NPHP4: variants seen among roughly 807,000 people sequenced by gnomAD.
NPHP4 encodes nephrocystin 4.
A neutral mutation model predicts 155.8 loss-of-function variants in NPHP4; 151 were observed. That is an observed-to-expected ratio of 0.97 (90% CI 0.85 to 1.11). The LOEUF is 1.11. NPHP4 is among the 50% of genes least tolerant of loss of function. The probability of loss-of-function intolerance (pLI) is 0.00; values close to 1 mark genes in which losing one functional copy is unlikely to be tolerated. For synonymous variants in NPHP4, 845 were observed against 816.8 expected, an observed-to-expected ratio of 1.03 and a Z score of -0.59; for missense variants, 1,956 against 1,925.7, an observed-to-expected ratio of 1.02 and a Z score of -0.29.
chr1:5,901,424 T>C (rs959764041), intron 16 of NPHP4, among the ~76,000 whole-genome samples: 4 of 152,240 alleles, frequency 2.6e-5, no homozygotes, highest in African/African-American at 9.6e-5. Flanking sequence ...GACTCAGATA[T>C]GTAAGAAATT....
chr1:5,867,461 T>C lies in NPHP4; in HGVS notation c.3472+279A>G, dbSNP rs944791595. The C allele has an allele frequency of 5.5e-5, 31 of 558,948 alleles. No homozygotes were observed. Among genetic ancestry groups the C allele is most frequent in the African/African-American group, 9.4e-5 (5 of 53,188 alleles). 34.6% of individuals were successfully genotyped at this position (558,948 alleles called of 1,614,324 possible). A position where few individuals can be genotyped will look rare whatever the true frequency, so the allele number is the denominator to read the frequency against. ...ACACGCGGGCCGTCAGGTGAGGAGG[T>C]AGGTGTTCCTCCAGGCACACCTGGA... On this transcript the variant is annotated intron_variant, in intron 24 of 29. Transcript: ENST00000378156. This position sits in a 1 kb window ranked among gnomAD's most constrained non-coding sequence, Gnocchi z 4.1.
chr1:5,988,941 C>A (rs1309047916), intron 1 of NPHP4, among the ~76,000 whole-genome samples: 1 of 152,218 alleles, frequency 6.6e-6, no homozygotes, highest in East Asian at 1.9e-4. Flanking sequence ...CTGTGTGAAT[C>A]CAGCAGGCAC....
At chr1:5,924,239 G>C (rs1435227193) in intron 11 of NPHP4, among the ~76,000 whole-genome samples, 2 of 152,178 alleles carry the variant, frequency 1.3e-5, no homozygotes, top group Non-Finnish European at 2.9e-5. Flanking sequence ...TCAGCGAGCT[G>C]TGAGGCAATT....
intron 6 of NPHP4, among the ~76,000 whole-genome samples, chr1:5,953,325 C>G (rs964458422): frequency 7.2e-5 from 11 of 152,144 alleles, no homozygotes; most frequent in Non-Finnish European, 1.2e-4. Context: ...GGGCTGGTCT[C>G]GAACTCCTAA....
chr1:5,878,740 C>G (rs1286480581), intron 19 of NPHP4, among the ~76,000 whole-genome samples: 1 of 152,208 alleles, frequency 6.6e-6, no homozygotes, highest in African/African-American at 2.4e-5. Flanking sequence ...TTCCTGCTCC[C>G]TGACAGCTGA....
chr1:5,951,915 C>A (rs1209155278), intron 7 of NPHP4, among the ~76,000 whole-genome samples: 1 of 152,208 alleles, frequency 6.6e-6, no homozygotes, highest in African/African-American at 2.4e-5. Context: ...GGAGAGGAAA[C>A]CCCAGCGCAT....
chr1:5,907,705 C>T (rs201728282), intron 12 of NPHP4, among the ~76,000 whole-genome samples: 1 of 85,410 alleles, frequency 1.2e-5, no homozygotes, highest in Non-Finnish European at 2.2e-5. Flanking sequence ...GTGGCATTAC[C>T]GTGGAGTGCC....
chr1:5,961,518 A>C (rs1375688920), intron 6 of NPHP4, among the ~76,000 whole-genome samples: 1 of 152,240 alleles, frequency 6.6e-6, no homozygotes, highest in African/African-American at 2.4e-5. Flanking sequence ...ATGGTCACAG[A>C]GACTTGAACT....
chr1:5,950,969 C>A (rs1647870485), intron 7 of NPHP4, among the ~76,000 whole-genome samples: 1 of 152,174 alleles, frequency 6.6e-6, no homozygotes, highest in Non-Finnish European at 1.5e-5. Flanking sequence ...CTGCAGACAG[C>A]CTCCCACGGG....
At chr1:5,874,087 T>C (rs1642295339) in intron 22 of NPHP4, among the ~76,000 whole-genome samples, 1 of 152,136 alleles carries the variant, frequency 6.6e-6, no homozygotes, top group Admixed American at 6.5e-5. Flanking sequence ...CCCGCACACA[T>C]GCCTGCAAAG....
At chr1:5,973,510 C>T (rs1652966520) in intron 3 of NPHP4, among the ~76,000 whole-genome samples, 1 of 152,150 alleles carries the variant, frequency 6.6e-6, no homozygotes, top group Admixed American at 6.5e-5. Context: ...TCACTTGAGC[C>T]CAGGAGTCCA....
At chr1:5,955,669 C>T (rs530062250) in intron 6 of NPHP4, among the ~76,000 whole-genome samples, 156 of 152,350 alleles carry the variant, frequency 1.0e-3, no homozygotes, top group Non-Finnish European at 1.9e-3. Flanking sequence ...CATGATCTTA[C>T]TCATATGTGG....
At chr1:5,886,963 G>A in intron 18 of NPHP4, 1 of 290,076 alleles carries the variant, frequency 3.4e-6, no homozygotes. Flanking sequence ...GAGGCACAGG[G>A]AAGTCTCTCC....
At chr1:5,870,502 C>G (rs1323671908) in intron 23 of NPHP4, among the ~76,000 whole-genome samples, 1 of 152,108 alleles carries the variant, frequency 6.6e-6, no homozygotes, top group Non-Finnish European at 1.5e-5. Flanking sequence ...CAACTCGGGC[C>G]AGGTCATCAG....
intron 1 of NPHP4, among the ~76,000 whole-genome samples, chr1:5,987,308 G>A (rs752008235): frequency 1.9e-4 from 29 of 152,122 alleles, no homozygotes; most frequent in Non-Finnish European, 3.5e-4. Flanking sequence ...CTAAAATGGC[G>A]AGTAAGGAGA....
chr1:5,934,695 C>T lies in NPHP4; in HGVS notation c.1120-1366G>A, dbSNP rs116016923. On this transcript the variant is annotated intron_variant, in intron 9 of 29. Transcript: ENST00000378156. Reference sequence around the variant, plus strand: ...CTGAGGGCATGAACCCAGGCAGCATCGCAAGCGCAGCCATGGTCACAGCGA... The same window carrying T: ...CTGAGGGCATGAACCCAGGCAGCATTGCAAGCGCAGCCATGGTCACAGCGA... Among the ~76,000 whole-genome samples, 809 of 152,318 alleles carry T rather than the reference C, an allele frequency of 5.3e-3. 2 individuals are homozygous for T. Among genetic ancestry groups the T allele is most frequent in the African/African-American group, 0.018 (756 of 41,566 alleles).
chr1:5,880,458 G>GT (rs1435031291), intron 18 of NPHP4: 5 of 532,234 alleles, frequency 9.4e-6, no homozygotes, highest in Non-Finnish European at 1.4e-5. Flanking sequence ...CTCCTGCCGT[G>GT]TCAGTGGCAG....
chr1:5,902,021 A>C (rs1220347193), intron 16 of NPHP4, among the ~76,000 whole-genome samples: 1 of 152,144 alleles, frequency 6.6e-6, no homozygotes, highest in Non-Finnish European at 1.5e-5. Flanking sequence ...AGTTGAGAAA[A>C]CCAAACCCTG....
chr1:5,890,867 C>T lies in NPHP4; in HGVS notation c.2304+1G>A, dbSNP rs757412845. 3 of 1,608,230 alleles carry T rather than the reference C, an allele frequency of 1.9e-6. No homozygotes were observed. In the East Asian group the frequency reaches 6.7e-5, roughly 36 times the overall value. ...TGCCTGTCCTTCCAGAGAGCCGCTA[C>T]CTTCATCTGGACGGCAGCAGATCCG... On this transcript the variant is annotated splice_donor_variant, in intron 17 of 29. Transcript: ENST00000378156. LOFTEE classifies it high-confidence loss of function. This position sits in a 1 kb window ranked among gnomAD's most constrained non-coding sequence, Gnocchi z 4.9.
Sources: gnomAD v4.1 joint callset for allele counts (sites outside exome capture counted in the v4.1 genomes callset) on GRCh38, gnomAD v4.1.1 for gene constraint, Gnocchi (gnomAD v3.1) non-coding constraint, MANE v1.5 for transcripts, NCBI Gene and HGNC (gene_info 2026-07-23, HGNC 2026-07-21) for gene names.